Variants in BAZ2B observed in about 807,000 individuals in gnomAD.
BAZ2B encodes bromodomain adjacent to zinc finger domain 2B, also known as bromodomain adjacent to zinc finger domain protein 2B.
BAZ2B carries 91 observed loss-of-function variants against 246.0 expected under a neutral mutation model. The observed-to-expected ratio is 0.37, with a 90% CI of 0.31 to 0.44. The LOEUF (loss-of-function observed/expected upper bound fraction) is 0.44. Among genes scored for constraint, BAZ2B ranks in the 20% least tolerant of loss-of-function variants. The probability of loss-of-function intolerance (pLI) is 1.00; values close to 1 mark genes in which losing one functional copy is unlikely to be tolerated. For synonymous variants in BAZ2B, 855 were observed against 860.0 expected (o/e 0.99, Z 0.10); for missense variants, 2,332 against 2,533.7 (o/e 0.92, Z 1.71).
At chr2:159,625,273 A>G in the BAZ2B span, among the ~76,000 whole-genome samples, 1 of 152,200 alleles carries the variant, frequency 6.6e-6, no homozygotes, top group Admixed American at 6.5e-5. Flanking sequence ...ATCCAGGAGA[A>G]CTTCCCCAAC....
chr2:159,533,631 A>G lies in BAZ2B; in HGVS notation c.-3+22192T>C, dbSNP rs146509242. 4.7e-3 allele frequency among the ~76,000 whole-genome samples: 713 copies of G among 152,294 alleles called. 5 individuals carry two copies. The highest frequency in any genetic ancestry group is 0.016 in the African/African-American group (678 of 41,564). ...GAAAAGTACAAAGTACTTTATAAAC[A>G]AAAAAGAAGAAGAAAGATTTTCACC... On this transcript the variant is annotated intron_variant, in intron 2 of 36. Transcript: ENST00000392783.
At chr2:159,399,344 CTGTT>C (rs2064593765) in intron 17 of BAZ2B, among the ~76,000 whole-genome samples, 1 of 151,726 alleles carries the variant, frequency 6.6e-6, no homozygotes, top group South Asian at 2.1e-4. Context: ...GAGAATGAAC[CTGTT>C]TATTTAAAAT....
intron 3 of BAZ2B, among the ~76,000 whole-genome samples, chr2:159,468,834 G>A (rs1219909352): frequency 6.6e-6 from 1 of 152,122 alleles, no homozygotes; most frequent in Non-Finnish European, 1.5e-5. Context: ...CACAAGTTCA[G>A]GAGTTCAAGA....
At chr2:159,614,076 G>C (rs989177863) in intron 1 of BAZ2B, among the ~76,000 whole-genome samples, 1 of 152,112 alleles carries the variant, frequency 6.6e-6, no homozygotes, top group Non-Finnish European at 1.5e-5. Flanking sequence ...ACAGTTTCAT[G>C]TCCTTGTTAG....
chr2:159,686,982 C>T, the BAZ2B span, among the ~76,000 whole-genome samples: 1 of 139,078 alleles, frequency 7.2e-6, no homozygotes, highest in Non-Finnish European at 1.5e-5. Flanking sequence ...GCGGAGCTTG[C>T]AGTGAGCCGA....
the BAZ2B span, chr2:159,670,774 T>C: frequency 5.3e-5 from 8 of 152,326 alleles, no homozygotes; most frequent in African/African-American, 9.6e-5. Context: ...TCTTGCTCAG[T>C]TGAAGAACTT....
At chr2:159,337,321 T>C in intron 32 of BAZ2B, 1 of 1,166,880 alleles carries the variant, frequency 8.6e-7, no homozygotes, top group Non-Finnish European at 1.2e-6. Flanking sequence ...AAAAAAAAAG[T>C]TTTTACAAAG....
chr2:159,316,354 A>G (rs553892940), downstream of BAZ2B, among the ~76,000 whole-genome samples: 81 of 152,244 alleles, frequency 5.3e-4, no homozygotes, highest in African/African-American at 1.8e-3. Context: ...ATAAGATTCT[A>G]TTCATTTCCC....
chr2:159,326,762 A>G (rs1246106594), intron 34 of BAZ2B, among the ~76,000 whole-genome samples: 4 of 152,206 alleles, frequency 2.6e-5, no homozygotes, highest in African/African-American at 4.8e-5. Flanking sequence ...CTTATGCAAT[A>G]TAACTACAAA....
chr2:159,347,391 C>T, intron 31 of BAZ2B, 95 bp downstream of exon 31: 1 of 1,341,608 alleles, frequency 7.5e-7, no homozygotes, highest in Non-Finnish European at 1.1e-6. Flanking sequence ...AAAATAAAAA[C>T]ATTTAGCACA....
chr2:159,451,275 A>C (rs1269234734), intron 4 of BAZ2B, among the ~76,000 whole-genome samples: 2 of 152,210 alleles, frequency 1.3e-5, no homozygotes, highest in Non-Finnish European at 1.5e-5. Context: ...ATACCCATTA[A>C]ATAAATTTAC....
At chr2:159,396,430 G>A (rs2064031143) in intron 19 of BAZ2B, 1 of 151,904 alleles carries the variant, frequency 6.6e-6, no homozygotes, top group Non-Finnish European at 1.5e-5. Flanking sequence ...CAATGAAATG[G>A]GATATTCCTA....
chr2:159,661,406 T>C, the BAZ2B span, among the ~76,000 whole-genome samples: 1 of 152,222 alleles, frequency 6.6e-6, no homozygotes, highest in African/African-American at 2.4e-5. Flanking sequence ...AGGTATATTC[T>C]AGTTCAAGAG....
rs772304670 is a variant in BAZ2B at position 159,383,597 on chromosome 2, A to G, written c.3761+9T>C. 5 of 1,600,480 alleles carry G rather than the reference A, an allele frequency of 3.1e-6. No individual in the cohort carries two copies. The highest frequency in any genetic ancestry group is 4.3e-6 in the Non-Finnish European group (5 of 1,168,920). On this transcript the variant is annotated intron_variant, in intron 24 of 36. Coordinates refer to ENST00000392783, the MANE Select transcript of BAZ2B (RefSeq NM_013450.4). ...AACAGTACATTAACTTTAATAAAAC[A>G]GGACTTACTTGCGGAGTTTACCTTC...
chr2:159,647,664 G>A, the BAZ2B span, among the ~76,000 whole-genome samples: 63 of 152,216 alleles, frequency 4.1e-4, no homozygotes, highest in African/African-American at 1.5e-3. Context: ...ATTACTGAGA[G>A]ACAAGAAGAC....
chr2:159,658,983 T>C, the BAZ2B span, among the ~76,000 whole-genome samples: 1 of 152,200 alleles, frequency 6.6e-6, no homozygotes, highest in East Asian at 1.9e-4. Context: ...CCTATACTCA[T>C]GAGAGATTTT....
intron 1 of BAZ2B, among the ~76,000 whole-genome samples, chr2:159,579,880 A>C (rs1686306361): frequency 6.6e-6 from 1 of 152,242 alleles, no homozygotes; most frequent in Non-Finnish European, 1.5e-5. Context: ...CCTTCATGCT[A>C]AAACCTCTCA....
chr2:159,321,978 T>C (rs541381263), intron 36 of BAZ2B: 2 of 152,208 alleles, frequency 1.3e-5, no homozygotes, highest in Non-Finnish European at 2.9e-5. Context: ...TATTATGCAT[T>C]GCATGCCTGT....
At chr2:159,385,912 C>T (rs767629478) in intron 22 of BAZ2B, among the ~76,000 whole-genome samples, 4 of 152,108 alleles carry the variant, frequency 2.6e-5, no homozygotes, top group African/African-American at 7.2e-5. Context: ...TTAAGATAAA[C>T]ATGAACTTAT....
Sources: gnomAD v4.1 joint callset for allele counts (sites outside exome capture counted in the v4.1 genomes callset) on GRCh38, gnomAD v4.1.1 for gene constraint, MANE v1.5 for transcripts, NCBI Gene and HGNC (gene_info 2026-07-23, HGNC 2026-07-21) for gene names.